The following STAT3 variants were observed in gnomAD, a reference collection of about 807,000 sequenced individuals.
STAT3 encodes DNA-binding protein APRF.
In STAT3, 7 loss-of-function variants were observed where a neutral mutation model predicts 114.3. The ratio of observed to expected loss-of-function variants is 0.06; its 90% CI spans 0.03 to 0.11. STAT3 has a LOEUF of 0.11. Among genes scored for constraint, STAT3 ranks in the 10% least tolerant of loss-of-function variants. The pLI, the probability that STAT3 is intolerant of heterozygous loss-of-function variation, is 1.00. For missense variants in STAT3, 364 were observed against 960.9 expected, an observed-to-expected ratio of 0.38 and a Z score of 8.21; for synonymous variants, 331 against 354.5, an observed-to-expected ratio of 0.93 and a Z score of 0.74.
rs10775 is a variant in STAT3 at position 42,313,911 on chromosome 17, C to G, written c.*1834G>C. On this transcript the variant is annotated 3_prime_UTR_variant, in exon 24 of 24. Coordinates refer to ENST00000264657, the MANE Select transcript of STAT3 (RefSeq NM_139276.3). Reference sequence around the variant, plus strand: ...TTCATCTTAGAGAAGGTCGTCTCCCCCTTAATTCAGAGACCAGCTAATTTG... The same window carrying G: ...TTCATCTTAGAGAAGGTCGTCTCCCGCTTAATTCAGAGACCAGCTAATTTG... The G allele has an allele frequency of 4.3e-6, 1 of 232,400 alleles. No individual in the cohort carries two copies. Among genetic ancestry groups the G allele is most frequent in the African/African-American group, 2.2e-5 (1 of 45,278 alleles). The allele number at this position is 232,400 out of a possible 1,614,324, so 14.4% of individuals were successfully genotyped here. A position where few individuals can be genotyped will look rare whatever the true frequency, so the allele number is the denominator to read the frequency against.
Position 42,337,783 on chromosome 17 carries a change from C to A in STAT3, c.625G>T (p.Ala209Ser). Reference protein sequence around the residue: ...KMQQLEQMLTALDQMRRSIVS... With the variant: ...KMQQLEQMLTSLDQMRRSIVS... ...CTTACTCTCCGCATCTGGTCCAGCG[C>A]AGTGAGCATCTGTTCCAGCTGCTGC... is the stretch of plus-strand genomic sequence containing the variant. The change falls in exon 7 of 24, where the codon GCG becomes TCG. Residue 209 changes from alanine (A) to serine (S), a missense_variant. Ala to Ser is a moderately conservative substitution (Grantham distance 99). Around this residue, in one of 5 missense-constraint regions of STAT3, gnomAD observed 294 missense variants for 745.1 expected, o/e 0.39. Coordinates refer to ENST00000264657, the MANE Select transcript of STAT3 (RefSeq NM_139276.3). The surrounding 1 kb of genome is among the most constrained non-coding windows in gnomAD (Gnocchi z 4.0). 1 of 1,614,262 alleles carries A rather than the reference C, an allele frequency of 6.2e-7. No homozygotes were observed. The highest frequency in any genetic ancestry group is 8.5e-7 in the Non-Finnish European group (1 of 1,180,046).
At chr17:42,316,050 T>A in intron 23 of STAT3, 1 of 1,407,908 alleles carries the variant, frequency 7.1e-7, no homozygotes, top group Non-Finnish European at 9.2e-7. Context: ...GCTCTAAGGC[T>A]GTCCTGAGAT....
At chr17:42,342,309 C>T (rs2082476034) in intron 4 of STAT3, among the ~76,000 whole-genome samples, 1 of 151,952 alleles carries the variant, frequency 6.6e-6, no homozygotes, top group Admixed American at 6.6e-5. Context: ...ATGGTGAAAC[C>T]CTATCTCACT....
chr17:42,330,126 T>C (rs7213633), intron 11 of STAT3, among the ~76,000 whole-genome samples: 1 of 151,542 alleles, frequency 6.6e-6, no homozygotes, highest in Admixed American at 6.6e-5. Context: ...TTTTTTCTTT[T>C]TTTTTTTTTG....
intron 21 of STAT3, 72 bp from the exon 22 acceptor site, chr17:42,317,296 T>A: frequency 6.4e-7 from 1 of 1,553,284 alleles, no homozygotes; most frequent in South Asian, 1.1e-5. Flanking sequence ...GAGGAAGCCA[T>A]CTGCCTCGGC....
At chr17:42,347,468 A>T (rs928097838) in intron 2 of STAT3, among the ~76,000 whole-genome samples, 3 of 152,212 alleles carry the variant, frequency 2.0e-5, no homozygotes, top group African/African-American at 7.2e-5. Context: ...CCTGAATTAA[A>T]CCAAAATCAG....
intron 14 of STAT3, among the ~76,000 whole-genome samples, chr17:42,326,632 T>C (rs2081739294): frequency 6.6e-6 from 1 of 151,852 alleles, no homozygotes. Context: ...GCCTGGCCAA[T>C]AATTTGGTGA....
chr17:42,339,183 G>C, intron 5 of STAT3, 131 bp downstream of exon 5: 1 of 855,676 alleles, frequency 1.2e-6, no homozygotes, highest in Non-Finnish European at 1.9e-6. Context: ...TTGGGCCTGA[G>C]AGGTCGAGGC....
At chr17:42,344,974 T>C (rs1459972520) in intron 4 of STAT3, among the ~76,000 whole-genome samples, 1 of 151,376 alleles carries the variant, frequency 6.6e-6, no homozygotes, top group East Asian at 2.0e-4. Flanking sequence ...TATGAAAGTT[T>C]GTCAGAACAG....
At chr17:42,383,925 CA>C (rs367616934) in intron 1 of STAT3, among the ~76,000 whole-genome samples, 211 of 152,182 alleles carry the variant, frequency 1.4e-3, no homozygotes, top group African/African-American at 4.9e-3. Flanking sequence ...CCCAAAGTAC[CA>C]AATCAAACTA....
rs541024608 is a variant in STAT3, at chr17:42,314,324, G to A, written c.*1421C>T. 328 of 233,300 alleles carry A rather than the reference G, an allele frequency of 1.4e-3. 3 individuals are homozygous for A. Among genetic ancestry groups the A allele is most frequent in the African/African-American group, 6.6e-3 (299 of 45,406 alleles). 14.5% of individuals were successfully genotyped at this position (233,300 alleles called of 1,614,324 possible). A position where few individuals can be genotyped will look rare whatever the true frequency, so the allele number is the denominator to read the frequency against. ...TTCCCTGAGCTCAACCAGACACGTC[G>A]CTGGGGCCCCATAGTGTGCATCATG... On this transcript the variant is annotated 3_prime_UTR_variant, in exon 24 of 24. Coordinates refer to ENST00000264657, the MANE Select transcript of STAT3 (RefSeq NM_139276.3).
At chr17:42,321,106 T>TTC (rs941853085) in intron 21 of STAT3, among the ~76,000 whole-genome samples, 12 of 148,180 alleles carry the variant, frequency 8.1e-5, no homozygotes, top group African/African-American at 2.3e-4. Context: ...TATTTTTAAT[T>TTC]TCTCTCTCTT....
chr17:42,345,137 C>T (rs1037735963), intron 4 of STAT3, among the ~76,000 whole-genome samples: 2 of 151,834 alleles, frequency 1.3e-5, no homozygotes, highest in Admixed American at 6.6e-5. Context: ...TGGTGGCACA[C>T]GCCTATAATC....
intron 14 of STAT3, among the ~76,000 whole-genome samples, chr17:42,328,330 TC>T (rs550215200): frequency 6.6e-6 from 1 of 152,244 alleles, no homozygotes; most frequent in Non-Finnish European, 1.5e-5. Flanking sequence ...ATGTACATTT[TC>T]CCATATCATT....
At chr17:42,322,051 T>C (rs765368555) in intron 21 of STAT3, among the ~76,000 whole-genome samples, 1 of 152,086 alleles carries the variant, frequency 6.6e-6, no homozygotes, top group Non-Finnish European at 1.5e-5. Flanking sequence ...ATCCCCTCTT[T>C]AGACTCATGC....
At chr17:42,345,377 C>A in intron 4 of STAT3, 182 bp downstream of exon 4, 1 of 574,952 alleles carries the variant, frequency 1.7e-6, no homozygotes, top group Non-Finnish European at 3.0e-6. Context: ...TAGAGTTTTT[C>A]AATGTATTTT....
At chr17:42,340,019 G>T (rs761589043) in intron 4 of STAT3, among the ~76,000 whole-genome samples, 6 of 152,136 alleles carry the variant, frequency 3.9e-5, no homozygotes, top group South Asian at 2.1e-4. Flanking sequence ...ATGAATGAAT[G>T]AATTAAAGAA....
chr17:42,339,850 A>T (rs369780677), intron 4 of STAT3, among the ~76,000 whole-genome samples: 3 of 152,116 alleles, frequency 2.0e-5, no homozygotes, highest in Non-Finnish European at 2.9e-5. Context: ...GAAAATGTCA[A>T]ATAGCACATG....
chr17:42,337,321 A>C lies in STAT3; in HGVS notation c.797+114T>G. 86 of 1,446,956 alleles carry C rather than the reference A, an allele frequency of 5.9e-5. No homozygotes were observed. The highest frequency in any genetic ancestry group is 3.9e-5 in the Non-Finnish European group (42 of 1,076,750). 89.6% of individuals were successfully genotyped at this position (1,446,956 alleles called of 1,614,324 possible). A position where few individuals can be genotyped will look rare whatever the true frequency, so the allele number is the denominator to read the frequency against. ...ACTTTAATTCTTGGGCTAAATTTGA[A>C]TATGGAAAAGTCCCCACGTTGGAGA... On this transcript the variant is annotated intron_variant, in intron 8 of 23. Transcript: ENST00000264657. This position sits in a 1 kb window ranked among gnomAD's most constrained non-coding sequence, Gnocchi z 4.0.
Sources: allele counts gnomAD v4.1 joint callset (sites outside exome capture counted in the v4.1 genomes callset), GRCh38; gene constraint gnomAD v4.1.1; regional missense constraint gnomAD v4.1.1; non-coding constraint Gnocchi (gnomAD v3.1); transcripts MANE v1.5; gene names NCBI Gene and HGNC (gene_info 2026-07-23, HGNC 2026-07-21).